Variants in CDC45 observed in about 807,000 individuals in gnomAD.
CDC45 encodes cell division cycle 45.
Under a neutral mutation model 77.8 loss-of-function variants are expected in CDC45, and 54 were observed. The observed-to-expected ratio is 0.69, with a 90% CI of 0.56 to 0.87. The LOEUF (loss-of-function observed/expected upper bound fraction) is 0.87. CDC45 is among the 40% of genes least tolerant of loss of function. CDC45 has a pLI of 0.00. For missense variants in CDC45, 649 were observed against 721.6 expected (o/e 0.90, Z 1.15); for synonymous variants, 260 against 272.1 (o/e 0.96, Z 0.44).
Position 19,514,946 on chromosome 22 carries a change from A to C in CDC45, c.1357-19A>C. 6.2e-7 allele frequency: 1 copy of C among 1,614,218 alleles called. No individual in the cohort carries two copies. Among genetic ancestry groups the C allele is most frequent in the East Asian group, 2.2e-5 (1 of 44,878 alleles). On this transcript the variant is annotated intron_variant, in intron 14 of 18. Transcript: ENST00000263201. ...ACAGCACCAGTGGCTTCGTCTGACC[A>C]TCTGTCTCGCCTCCGCAGGGCACTC... is the stretch of plus-strand genomic sequence containing the variant.
At chr22:19,502,819 AAGT>A (rs571280690) in intron 9 of CDC45, among the ~76,000 whole-genome samples, 58 of 152,306 alleles carry the variant, frequency 3.8e-4, no homozygotes, top group Non-Finnish European at 7.1e-4. Flanking sequence ...CAAAATCTCC[AAGT>A]AGCTCTGAAT....
At chr22:19,498,803 G>C (rs940583204) in intron 8 of CDC45, among the ~76,000 whole-genome samples, 1 of 152,174 alleles carries the variant, frequency 6.6e-6, no homozygotes, top group Non-Finnish European at 1.5e-5. Flanking sequence ...CCTAGGAGTG[G>C]GTGGGAGTGC....
At position 19,520,412 on chromosome 22, in the gene CDC45, G is replaced by A. The variant is rs1314446839; in HGVS notation, c.*2-69G>A. 7 of 152,216 alleles carry A rather than the reference G, an allele frequency of 4.6e-5. No individual in the cohort carries two copies. The highest frequency in any genetic ancestry group is 1.7e-4 in the African/African-American group (7 of 41,436). 9.4% of individuals were successfully genotyped at this position (152,216 alleles called of 1,614,324 possible). A position where few individuals can be genotyped will look rare whatever the true frequency, so the allele number is the denominator to read the frequency against. On this transcript the variant is annotated intron_variant, in intron 18 of 18. Transcript: ENST00000263201. The surrounding 1 kb of genome is among the most constrained non-coding windows in gnomAD (Gnocchi z 4.5). ...CAGCACTACCCAGAGGGGACGCCTG[G>A]GCAGTTTCTTCAATTCGGTGGCACA... is the stretch of plus-strand genomic sequence containing the variant.
In CDC45 at chr22:19,497,372, C is replaced by T. The variant is rs764620596; in HGVS notation, c.592-14C>T. 57 of 1,613,724 alleles carry T rather than the reference C, an allele frequency of 3.5e-5. No homozygotes were observed. Among genetic ancestry groups the T allele is most frequent in the Middle Eastern group, 1.6e-4 (1 of 6,084 alleles). ...CCCCTCCCATGAGCCTTAGACTTCT[C>T]TGCTTCCTTACAGTCAGCCATGGTG... is the stretch of plus-strand genomic sequence containing the variant. On this transcript the variant is annotated splice_polypyrimidine_tract_variant and intron_variant, in intron 7 of 18. Coordinates refer to ENST00000263201, the MANE Select transcript of CDC45 (RefSeq NM_003504.5).
chr22:19,516,579 G>A lies in CDC45; in HGVS notation c.1493G>A (p.Ser498Asn), dbSNP rs1371821690. The A allele has an allele frequency of 6.2e-7, 1 of 1,614,088 alleles. No homozygotes were observed. The highest frequency in any genetic ancestry group is 2.2e-5 in the East Asian group (1 of 44,868). Residue 498 changes from serine (S) to asparagine (N), a missense_variant, in exon 16 of 19, where the codon AGC becomes AAC. Physicochemically the swap from Ser to Asn is conservative, Grantham distance 46. Transcript: ENST00000263201. ...LLPLVMAAPL[S>N]MEHGTVTVVG... ...CCCCTGGTGATGGCTGCCCCCCTGA[G>A]CATGGAGCATGGCACAGTGACCGTG... is the stretch of plus-strand genomic sequence containing the variant.
At position 19,496,003 on chromosome 22, in the gene CDC45, G is replaced by A. The variant is rs566899785; in HGVS notation, c.565G>A (p.Glu189Lys). The A allele has an allele frequency of 4.3e-6, 7 of 1,611,136 alleles. No homozygotes were observed. Among genetic ancestry groups the A allele is most frequent in the Admixed American group, 1.7e-5 (1 of 59,968 alleles). The stretch of plus-strand genomic sequence containing the variant: ...CAGAAGAGACATCCTCTTTGACTAC[G>A]AGCAGTATGAATATCATGGGACATC... ...ARRRDILFDY[E>K]QYEYHGTSSA... The change falls in exon 7 of 19, where the codon GAG becomes AAG. Residue 189 changes from glutamate to lysine, a missense_variant. Transcript: ENST00000263201.
intron 1 of CDC45, 51 bp downstream of exon 1, chr22:19,480,070 T>A: frequency 6.2e-7 from 1 of 1,612,678 alleles, no homozygotes; most frequent in Non-Finnish European, 8.5e-7. Flanking sequence ...GGGGAAGGGA[T>A]GAGGGGGAGC....
intron 9 of CDC45, among the ~76,000 whole-genome samples, chr22:19,503,611 A>C (rs1369945086): frequency 6.6e-6 from 1 of 152,182 alleles, no homozygotes; most frequent in African/African-American, 2.4e-5. Context: ...CCTACATAAC[A>C]AGACAAAGAC....
At chr22:19,487,635 C>G (rs1413174718) in intron 5 of CDC45, among the ~76,000 whole-genome samples, 1 of 152,030 alleles carries the variant, frequency 6.6e-6, no homozygotes, top group Non-Finnish European at 1.5e-5. Context: ...TGCTATAGGC[C>G]GGGCGTGGTG....
At chr22:19,504,872 T>G (rs1273622045) in intron 9 of CDC45, among the ~76,000 whole-genome samples, 1 of 152,200 alleles carries the variant, frequency 6.6e-6, no homozygotes, top group Non-Finnish European at 1.5e-5. Context: ...AGGGTCTACA[T>G]GCTTCTGAGG....
chr22:19,501,276 G>A lies in CDC45; in HGVS notation c.704+2125G>A, dbSNP rs557351252. On this transcript the variant is annotated intron_variant, in intron 9 of 18. Coordinates refer to ENST00000263201, the MANE Select transcript of CDC45 (RefSeq NM_003504.5). ...GCGGCTAGGTGCCCCTTCACTGTTC[G>A]GTGGGCAGGACCTAGAGACAAGCCC... Among the ~76,000 whole-genome samples the A allele has an allele frequency of 9.9e-5, 15 of 152,274 alleles. No homozygotes were observed. In the East Asian group the frequency reaches 1.5e-3, roughly 16 times the overall value.
intron 8 of CDC45, among the ~76,000 whole-genome samples, chr22:19,497,816 A>C (rs2146378576): frequency 6.6e-6 from 1 of 152,194 alleles, no homozygotes; most frequent in East Asian, 1.9e-4. Flanking sequence ...TAATCCCAGT[A>C]CTTTGGGAGG....
At chr22:19,497,122 A>T (rs889955862) in intron 7 of CDC45, among the ~76,000 whole-genome samples, 16 of 152,320 alleles carry the variant, frequency 1.1e-4, no homozygotes, top group African/African-American at 2.9e-4. Context: ...CTACCAAGTG[A>T]ATTCTTCCCT....
At position 19,505,463 on chromosome 22, in the gene CDC45, G is replaced by A. The variant is rs141618921; in HGVS notation, c.806G>A (p.Arg269Gln). The A allele has an allele frequency of 1.8e-5, 29 of 1,614,130 alleles. No individual in the cohort carries two copies. The highest frequency in any genetic ancestry group is 7.7e-5 in the South Asian group (7 of 91,078). Residue 269 changes from arginine to glutamine, a missense_variant, in exon 10 of 19, where the codon CGG becomes CAG. Coordinates refer to ENST00000263201, the MANE Select transcript of CDC45 (RefSeq NM_003504.5). ...AACACACTCTCCGTGGACTGCACAC[G>A]GATCTCCTTTGAGTATGAGTATCCT... ...EENTLSVDCTRISFEYDLRLV... is the reference protein window; with the variant it reads ...EENTLSVDCTQISFEYDLRLV...
At position 19,516,544 on chromosome 22, in the gene CDC45, C is replaced by T; in HGVS notation, c.1458C>T (p.Cys486=). 1 of 1,613,952 alleles carries T rather than the reference C, an allele frequency of 6.2e-7. No individual in the cohort carries two copies. The highest frequency in any genetic ancestry group is 1.3e-5 in the African/African-American group (1 of 75,012). Reference sequence around the variant, plus strand: ...CTCCATAGACAAAGAACCGGCGCTGCAAACTGCTGCCCCTGGTGATGGCTG... The same window carrying T: ...CTCCATAGACAAAGAACCGGCGCTGTAAACTGCTGCCCCTGGTGATGGCTG... The part of the protein sequence containing the change: ...SFVCSTKNRR[C]KLLPLVMAAP... Residue 486 remains cysteine, a synonymous_variant, in exon 16 of 19, where the codon TGC becomes TGT. Coordinates refer to ENST00000263201, the MANE Select transcript of CDC45 (RefSeq NM_003504.5).
At chr22:19,485,673 CA>C (rs2090055473) in intron 5 of CDC45, among the ~76,000 whole-genome samples, 1 of 152,204 alleles carries the variant, frequency 6.6e-6, no homozygotes, top group Non-Finnish European at 1.5e-5. Flanking sequence ...AAATGTTTAA[CA>C]TAATATTCAT....
chr22:19,499,850 T>G (rs1240175075), intron 9 of CDC45, among the ~76,000 whole-genome samples: 2 of 152,196 alleles, frequency 1.3e-5, no homozygotes, highest in Non-Finnish European at 2.9e-5. Flanking sequence ...AGGGGACCCA[T>G]GTAGATGTCC....
chr22:19,518,466 A>G (rs550474406), intron 17 of CDC45, among the ~76,000 whole-genome samples: 1 of 152,334 alleles, frequency 6.6e-6, no homozygotes, highest in East Asian at 1.9e-4. Flanking sequence ...GGAATTGGCC[A>G]GAGTGCGGCC....
chr22:19,494,531 C>T (rs1340232545), intron 6 of CDC45, 149 bp downstream of exon 6: 15 of 1,551,134 alleles, frequency 9.7e-6, no homozygotes, highest in South Asian at 3.6e-5. Flanking sequence ...AACCTGTGGC[C>T]GCTGCATTGG....
Sources: allele counts gnomAD v4.1 joint callset (sites outside exome capture counted in the v4.1 genomes callset), GRCh38; gene constraint gnomAD v4.1.1; non-coding constraint Gnocchi (gnomAD v3.1); transcripts MANE v1.5; gene names NCBI Gene and HGNC (gene_info 2026-07-23, HGNC 2026-07-21).